Variants in ALG8 observed in about 807,000 individuals in gnomAD.
ALG8 encodes dolichyl pyrophosphate Glc1Man9GlcNAc2 alpha-1,3-glucosyltransferase.
In ALG8, 48 loss-of-function variants were observed where a neutral mutation model predicts 70.2. The ratio of observed to expected loss-of-function variants is 0.68; its 90% CI spans 0.54 to 0.87. The LOEUF (loss-of-function observed/expected upper bound fraction) is 0.87. Among genes scored for constraint, ALG8 ranks in the 40% least tolerant of loss-of-function variants. The pLI, the probability that ALG8 is intolerant of heterozygous loss-of-function variation, is 0.00. For missense variants in ALG8, 572 were observed against 608.7 expected (o/e 0.94, Z 0.64); for synonymous variants, 234 against 229.0 (o/e 1.02, Z -0.20).
intron 10 of ALG8, among the ~76,000 whole-genome samples, 195 bp downstream of exon 10, chr11:78,106,612 C>T (rs1860045502): frequency 6.6e-6 from 1 of 152,208 alleles, no homozygotes; most frequent in South Asian, 2.1e-4. Context: ...AGAAATAGTA[C>T]ATGCATTTTT....
intron 5 of ALG8, among the ~76,000 whole-genome samples, chr11:78,118,602 C>A (rs1312560449): frequency 8.8e-6 from 1 of 114,164 alleles, no homozygotes; most frequent in South Asian, 3.0e-4. Context: ...GGCGATAGAG[C>A]GAGACTCATT....
At chr11:78,110,758 A>C (rs897001562) in intron 8 of ALG8, among the ~76,000 whole-genome samples, 11 of 152,184 alleles carry the variant, frequency 7.2e-5, no homozygotes, top group African/African-American at 2.7e-4. Flanking sequence ...AAATGAATAC[A>C]ATGTGGGAAA....
chr11:78,106,380 G>T (rs1435686059), intron 10 of ALG8, among the ~76,000 whole-genome samples: 4 of 152,098 alleles, frequency 2.6e-5, no homozygotes, highest in Non-Finnish European at 4.4e-5. Context: ...TGTATTTTTA[G>T]TAGAGATGGG....
chr11:78,121,705 GA>G (rs1860832752), intron 3 of ALG8, among the ~76,000 whole-genome samples: 1 of 152,096 alleles, frequency 6.6e-6, no homozygotes, highest in Admixed American at 6.6e-5. Context: ...TAAGGATTTT[GA>G]AAACTGAGAG....
intron 10 of ALG8, 94 bp from the exon 11 acceptor site, chr11:78,104,547 G>A: frequency 8.7e-7 from 1 of 1,155,996 alleles, no homozygotes. Flanking sequence ...AGAACTGGCT[G>A]AGGCATAGAA....
rs369578883 is a variant in ALG8 at position 78,109,463 on chromosome 11, G to C, written c.1017C>G (p.Ile339Met). 6.2e-7 allele frequency: 1 copy of C among 1,614,088 alleles called. No homozygotes were observed. The highest frequency in any genetic ancestry group is 8.5e-7 in the Non-Finnish European group (1 of 1,180,036). ...LPSVTPLATL[I>M]CTLIAILPSI... is the part of the protein sequence containing the mutation. ...TTACCAATATGGCAATCAGTGTGCA[G>C]ATGAGGGTTGCCAAGGGAGTCACTG... Residue 339 changes from isoleucine to methionine, a missense_variant, in exon 9 of 13, where the codon ATC (isoleucine) becomes ATG (methionine). Transcript: ENST00000299626.
At chr11:78,134,746 T>C (rs933886067) in intron 1 of ALG8, among the ~76,000 whole-genome samples, 9 of 152,232 alleles carry the variant, frequency 5.9e-5, no homozygotes, top group African/African-American at 2.2e-4. Context: ...TCCACTCAAG[T>C]TGTATCATGA....
At chr11:78,135,430 G>T (rs143128941) in intron 1 of ALG8, 2 of 152,116 alleles carry the variant, frequency 1.3e-5, no homozygotes, top group Non-Finnish European at 2.9e-5. Flanking sequence ...ACAACATTAA[G>T]GTTGGGCACA....
chr11:78,127,471 T>C (rs761755083), intron 1 of ALG8, 35 bp from the exon 2 acceptor site: 35 of 1,570,804 alleles, frequency 2.2e-5, no homozygotes, highest in Non-Finnish European at 2.9e-5. Context: ...AAATGAGATT[T>C]TGCAATATTT....
chr11:78,108,071 A>G (rs1446392780), intron 9 of ALG8, among the ~76,000 whole-genome samples: 1 of 151,920 alleles, frequency 6.6e-6, no homozygotes, highest in East Asian at 1.9e-4. Context: ...CGAGGTCAGG[A>G]GATCGAGACC....
chr11:78,114,116 CAGAGA>C, intron 6 of ALG8, 127 bp from the exon 7 acceptor site: 1 of 1,378,856 alleles, frequency 7.3e-7, no homozygotes, highest in Non-Finnish European at 1.0e-6. Flanking sequence ...GTGGCAAGAG[CAGAGA>C]AAAGCGAGAA....
At chr11:78,113,511 G>T (rs1394912482) in intron 7 of ALG8, among the ~76,000 whole-genome samples, 1 of 151,964 alleles carries the variant, frequency 6.6e-6, no homozygotes, top group Non-Finnish European at 1.5e-5. Flanking sequence ...TCAGAAGTTC[G>T]AGTCCAGCCT....
chr11:78,115,605 A>T (rs1860526244), intron 5 of ALG8, among the ~76,000 whole-genome samples: 1 of 151,840 alleles, frequency 6.6e-6, no homozygotes, highest in South Asian at 2.1e-4. Flanking sequence ...GGCTGGTCTC[A>T]AACTCCTGGC....
intron 5 of ALG8, chr11:78,114,836 G>C: frequency 3.0e-6 from 1 of 334,644 alleles, no homozygotes; most frequent in Non-Finnish European, 5.8e-6. Context: ...TTAGCTAGGC[G>C]TGATGGCTTG....
At position 78,113,906 on chromosome 11, in the gene ALG8, A is replaced by G. The variant is rs768148587; in HGVS notation, c.757T>C (p.Leu253=). 25 of 1,601,826 alleles carry G rather than the reference A, an allele frequency of 1.6e-5. No homozygotes were observed. Among genetic ancestry groups the G allele is most frequent in the South Asian group, 2.3e-5 (2 of 88,616 alleles). The change falls in exon 7 of 13, where the codon TTG becomes CTG. Residue 253 remains leucine, a synonymous_variant. Transcript: ENST00000299626. ...CTTACCAAGGCCAGGAAAGGACCCA[A>G]TGAAAGAGCAGAAACTAAGAAAACA... ...LVVFLVSALS[L]GPFLALNQLP...
chr11:78,127,545 T>C, intron 1 of ALG8, 109 bp from the exon 2 acceptor site: 2 of 928,740 alleles, frequency 2.2e-6, no homozygotes, highest in Admixed American at 3.9e-5. Flanking sequence ...CTGTCACAGC[T>C]CACTGTCCTA....
intron 9 of ALG8, among the ~76,000 whole-genome samples, chr11:78,109,204 G>C (rs1860175530): frequency 6.6e-6 from 1 of 152,038 alleles, no homozygotes; most frequent in Non-Finnish European, 1.5e-5. Flanking sequence ...TCCCCCGGGT[G>C]AACAGATGGT....
At chr11:78,104,886 C>T (rs992568583) in intron 10 of ALG8, among the ~76,000 whole-genome samples, 38 of 151,920 alleles carry the variant, frequency 2.5e-4, no homozygotes, top group African/African-American at 8.9e-4. Context: ...ATTGCTTGAA[C>T]CTGGGAGGCA....
At chr11:78,104,332 T>A in intron 11 of ALG8, 24 bp downstream of exon 11, 1 of 1,544,956 alleles carries the variant, frequency 6.5e-7, no homozygotes, top group Non-Finnish European at 8.7e-7. Flanking sequence ...GTCAAATATA[T>A]TTTTCTCAGA....
Sources: gnomAD v4.1 joint callset for allele counts (sites outside exome capture counted in the v4.1 genomes callset) on GRCh38, gnomAD v4.1.1 for gene constraint, MANE v1.5 for transcripts, NCBI Gene and HGNC (gene_info 2026-07-23, HGNC 2026-07-21) for gene names.